AOPEP: variants seen among roughly 807,000 people sequenced by gnomAD.
AOPEP encodes the protein aminopeptidase O.
AOPEP carries 77 observed loss-of-function variants against 98.1 expected under a neutral mutation model. The ratio of observed to expected loss-of-function variants is 0.78; its 90% CI spans 0.65 to 0.95. The LOEUF (loss-of-function observed/expected upper bound fraction) is 0.95, where lower values mean the gene tolerates loss of function less well. Ranked by LOEUF, AOPEP falls within the 40% of genes least tolerant of loss-of-function variation. The probability of loss-of-function intolerance (pLI) is 0.00; values close to 1 mark genes in which losing one functional copy is unlikely to be tolerated. For missense variants in AOPEP, 1,024 were observed against 1,024.7 expected, an observed-to-expected ratio of 1.00 and a Z score of 0.01; for synonymous variants, 346 against 365.3, an observed-to-expected ratio of 0.95 and a Z score of 0.60.
At chr9:94,960,685 C>T (rs148201001) in intron 9 of AOPEP, among the ~76,000 whole-genome samples, 1 of 151,990 alleles carries the variant, frequency 6.6e-6, no homozygotes, top group Admixed American at 6.5e-5. Context: ...TCGTTGCAGA[C>T]TCACAGGCTC....
chr9:94,922,064 A>G (rs1041964926), intron 5 of AOPEP, among the ~76,000 whole-genome samples: 1 of 152,126 alleles, frequency 6.6e-6, no homozygotes, highest in Non-Finnish European at 1.5e-5. Flanking sequence ...TGTGGTGCAG[A>G]CAACAAGGAC....
At chr9:95,071,893 A>G (rs185280659) in intron 14 of AOPEP, among the ~76,000 whole-genome samples, 1 of 152,324 alleles carries the variant, frequency 6.6e-6, no homozygotes, top group East Asian at 1.9e-4. Context: ...TTCCTTGTAC[A>G]GAGGAATTTG....
intron 7 of AOPEP, among the ~76,000 whole-genome samples, chr9:94,935,969 C>G (rs921362543): frequency 6.6e-6 from 1 of 152,178 alleles, no homozygotes; most frequent in African/African-American, 2.4e-5. Flanking sequence ...CAGCTCCTGC[C>G]TCTCCTTCAC....
chr9:95,045,582 G>A (rs985989475), intron 13 of AOPEP, among the ~76,000 whole-genome samples: 2 of 152,224 alleles, frequency 1.3e-5, no homozygotes, highest in Admixed American at 6.5e-5. Flanking sequence ...CTCTGGGTCG[G>A]GACCCTTGCA....
intron 5 of AOPEP, among the ~76,000 whole-genome samples, chr9:94,913,419 C>A (rs2052366434): frequency 6.6e-6 from 1 of 152,126 alleles, no homozygotes; most frequent in African/African-American, 2.4e-5. Context: ...TCCAGGACCA[C>A]CCTGGGAAAT....
intron 13 of AOPEP, among the ~76,000 whole-genome samples, chr9:95,025,082 A>C (rs911834382): frequency 3.3e-5 from 5 of 152,212 alleles, no homozygotes; most frequent in African/African-American, 1.2e-4. Flanking sequence ...ATCAACTTAA[A>C]TATTTGTCTT....
At chr9:95,023,783 G>C (rs1363943931) in intron 13 of AOPEP, among the ~76,000 whole-genome samples, 1 of 152,124 alleles carries the variant, frequency 6.6e-6, no homozygotes, top group Non-Finnish European at 1.5e-5. Context: ...AAGTTTCCCT[G>C]AGCGCTGACT....
At chr9:95,117,903 G>T in the AOPEP span, among the ~76,000 whole-genome samples, 13 of 152,060 alleles carry the variant, frequency 8.5e-5, no homozygotes, top group Non-Finnish European at 1.9e-4. Flanking sequence ...GTACTTTTTA[G>T]TAGAGACAGA....
chr9:94,765,004 A>C (rs921335078), intron 2 of AOPEP, among the ~76,000 whole-genome samples: 1 of 152,100 alleles, frequency 6.6e-6, no homozygotes, highest in East Asian at 1.9e-4. Flanking sequence ...TCACTTTACC[A>C]TGTGGCAGGG....
At chr9:94,736,084 G>T (rs1831695475) in intron 1 of AOPEP, among the ~76,000 whole-genome samples, 1 of 152,194 alleles carries the variant, frequency 6.6e-6, no homozygotes, top group Non-Finnish European at 1.5e-5. Flanking sequence ...TGGTCATTTG[G>T]TTGTTTTGCT....
At chr9:95,031,165 T>C (rs1322110293) in intron 13 of AOPEP, among the ~76,000 whole-genome samples, 1 of 152,194 alleles carries the variant, frequency 6.6e-6, no homozygotes, top group Non-Finnish European at 1.5e-5. Context: ...GCTCTGGTGG[T>C]GTTAACAGCA....
chr9:95,011,871 A>G (rs923147956), intron 13 of AOPEP, among the ~76,000 whole-genome samples: 53 of 152,230 alleles, frequency 3.5e-4, no homozygotes, highest in African/African-American at 1.2e-3. Flanking sequence ...TCTGTGTACA[A>G]AATTCCTTCC....
At chr9:95,031,712 TA>T (rs2064319532) in intron 13 of AOPEP, among the ~76,000 whole-genome samples, 1 of 152,176 alleles carries the variant, frequency 6.6e-6, no homozygotes, top group African/African-American at 2.4e-5. Flanking sequence ...ATTCTCCGGG[TA>T]GGGGGGAATT....
chr9:95,029,123 G>A (rs142152794), intron 13 of AOPEP, among the ~76,000 whole-genome samples: 1 of 152,166 alleles, frequency 6.6e-6, no homozygotes, highest in African/African-American at 2.4e-5. Flanking sequence ...TCCCTAGGAT[G>A]TGGTCCTCTA....
At chr9:94,971,435 T>C (rs902846563) in intron 10 of AOPEP, among the ~76,000 whole-genome samples, 1 of 152,224 alleles carries the variant, frequency 6.6e-6, no homozygotes, top group African/African-American at 2.4e-5. Flanking sequence ...TCTCAGAATC[T>C]AGTTCAGCTA....
chr9:94,954,301 G>T lies in AOPEP; in HGVS notation c.1662-876G>T, dbSNP rs2058307742. ...ATCGCACCACTGCGCTCCAGCCTGG[G>T]TGATGGGAGTGAAACCCTGACTCGA... On this transcript the variant is annotated intron_variant, in intron 7 of 16. Coordinates refer to ENST00000375315, the MANE Select transcript of AOPEP (RefSeq NM_001193329.3). Among the ~76,000 whole-genome samples, 5 of 152,176 alleles carry T rather than the reference G, an allele frequency of 3.3e-5. No homozygotes were observed. The South Asian group carries it at 1.0e-3, about 31-fold the overall frequency.
At chr9:94,928,658 C>A in intron 7 of AOPEP, 127 bp downstream of exon 7, 1 of 646,828 alleles carries the variant, frequency 1.5e-6, no homozygotes, top group Non-Finnish European at 2.7e-6. Context: ...CTTCTTGTCC[C>A]CCAGATGTGA....
At chr9:94,732,315 A>T (rs2131704913) in intron 1 of AOPEP, among the ~76,000 whole-genome samples, 1 of 151,906 alleles carries the variant, frequency 6.6e-6, no homozygotes, top group South Asian at 2.1e-4. Flanking sequence ...ATGGGTACTA[A>T]TTCCCATCTC....
rs568558583 is a variant in AOPEP at position 95,083,489 on chromosome 9, C to T, written c.*4+770C>T. ...CAGAGCACACGCGGCACACGCAGCA[C>T]ACACACCACACAGAGCACCTGGAGC... On this transcript the variant is annotated intron_variant, in intron 16 of 16. Coordinates refer to ENST00000375315, the MANE Select transcript of AOPEP (RefSeq NM_001193329.3). Among the ~76,000 whole-genome samples the T allele has an allele frequency of 2.6e-5, 4 of 151,330 alleles. No individual in the cohort carries two copies. The East Asian group carries it at 7.8e-4, about 30-fold the overall frequency.
Sources: allele counts gnomAD v4.1 joint callset (sites outside exome capture counted in the v4.1 genomes callset), GRCh38; gene constraint gnomAD v4.1.1; transcripts MANE v1.5; gene names NCBI Gene and HGNC (gene_info 2026-07-23, HGNC 2026-07-21).